The following GRIK1 variants were observed in gnomAD, a reference collection of about 807,000 sequenced individuals.
The protein encoded by GRIK1 is glutamate receptor ionotropic, kainate 1.
A neutral mutation model predicts 105.7 loss-of-function variants in GRIK1; 69 were observed. That is an observed-to-expected ratio of 0.65 (90% CI 0.54 to 0.80). The LOEUF is 0.80. GRIK1 is among the 30% of genes least tolerant of loss of function. GRIK1 has a pLI of 0.00. For synonymous variants in GRIK1, 438 were observed against 431.3 expected, an observed-to-expected ratio of 1.02 and a Z score of -0.19; for missense variants, 1,109 against 1,167.3, an observed-to-expected ratio of 0.95 and a Z score of 0.73.
At chr21:29,790,747 C>A (rs554653540) in intron 1 of GRIK1, among the ~76,000 whole-genome samples, 1 of 152,168 alleles carries the variant, frequency 6.6e-6, no homozygotes, top group South Asian at 2.1e-4. Context: ...GGCACCATGC[C>A]CTGCCTAGTA....
chr21:29,803,733 G>GA (rs901349546), intron 1 of GRIK1, among the ~76,000 whole-genome samples: 30 of 151,352 alleles, frequency 2.0e-4, no homozygotes, highest in Admixed American at 1.4e-3. Flanking sequence ...GGTAAGTGAG[G>GA]AAAAAAAATA....
At chr21:29,619,048 C>A (rs1369646917) in intron 7 of GRIK1, among the ~76,000 whole-genome samples, 2 of 150,456 alleles carry the variant, frequency 1.3e-5, no homozygotes, top group East Asian at 3.9e-4. Flanking sequence ...AAAGCGTGAA[C>A]CCAGGAGGCG....
intron 1 of GRIK1, among the ~76,000 whole-genome samples, chr21:29,870,364 T>C (rs148384875): frequency 8.2e-4 from 125 of 152,256 alleles, no homozygotes; most frequent in African/African-American, 3.0e-3. Flanking sequence ...ATTTGCGATA[T>C]CAATTGCCAG....
At chr21:29,638,437 C>T (rs1183848582) in intron 7 of GRIK1, among the ~76,000 whole-genome samples, 5 of 152,100 alleles carry the variant, frequency 3.3e-5, no homozygotes, top group African/African-American at 7.2e-5. Flanking sequence ...CCACTCCACA[C>T]GTGAGGATAT....
chr21:29,749,008 C>G (rs2065114567), intron 1 of GRIK1: 1 of 152,184 alleles, frequency 6.6e-6, no homozygotes, highest in Admixed American at 6.5e-5. Flanking sequence ...AACAGCGTGT[C>G]CCTGGAAGCT....
chr21:29,656,608 T>G (rs112063133), intron 4 of GRIK1, among the ~76,000 whole-genome samples: 8 of 152,146 alleles, frequency 5.3e-5, no homozygotes, highest in African/African-American at 1.9e-4. Context: ...ATGGAAAACA[T>G]GTACCTTTGC....
intron 1 of GRIK1, among the ~76,000 whole-genome samples, chr21:29,936,583 G>T (rs978168773): frequency 3.9e-5 from 6 of 152,166 alleles, no homozygotes; most frequent in Admixed American, 6.5e-5. Context: ...TATGCAAGCT[G>T]CTGGGAAACT....
At chr21:29,734,356 C>CTTTTCTTTTCTTTTCTTTTCTTT (rs1569028424) in intron 1 of GRIK1, among the ~76,000 whole-genome samples, 47 of 14,498 alleles carry the variant, frequency 3.2e-3, no homozygotes, top group African/African-American at 6.5e-3. Flanking sequence ...CTTTTCTTTT[C>CTTTTCTTTTCTTTTCTTTTCTTT]TTTTCTTTTC....
chr21:29,556,808 CCTCT>C (rs1194109358), intron 15 of GRIK1, among the ~76,000 whole-genome samples: 1 of 152,168 alleles, frequency 6.6e-6, no homozygotes, highest in African/African-American at 2.4e-5. Flanking sequence ...GAAAGCAGAG[CCTCT>C]CTTTCAATCC....
Position 29,892,662 on chromosome 21 carries a change from A to G in GRIK1, c.118+46721T>C, listed in dbSNP as rs143245082. ...AAACGCTATTGGGACAGGATCCACAAGCTGGAGCAATGGTCTCCAGGCTCC... is the reference window on the plus strand; with the variant it reads ...AAACGCTATTGGGACAGGATCCACAGGCTGGAGCAATGGTCTCCAGGCTCC... On this transcript the variant is annotated intron_variant, in intron 1 of 17. Transcript: ENST00000327783. 7.9e-5 allele frequency among the ~76,000 whole-genome samples: 12 copies of G among 152,338 alleles called. No individual in the cohort carries two copies. In the East Asian group the frequency reaches 1.9e-3, roughly 25 times the overall value.
At chr21:29,775,772 GTTC>G (rs1228323466) in intron 1 of GRIK1, among the ~76,000 whole-genome samples, 2 of 152,130 alleles carry the variant, frequency 1.3e-5, no homozygotes, top group Admixed American at 6.5e-5. Context: ...CCCAAAACCT[GTTC>G]TTCTTAGCAT....
intron 7 of GRIK1, among the ~76,000 whole-genome samples, chr21:29,603,482 G>A (rs370981073): frequency 2.2e-4 from 34 of 152,158 alleles, no homozygotes; most frequent in African/African-American, 7.0e-4. Context: ...TTGCCACACC[G>A]GCTGAGATCC....
At chr21:29,613,678 G>T (rs764894265) in intron 7 of GRIK1, among the ~76,000 whole-genome samples, 4 of 152,124 alleles carry the variant, frequency 2.6e-5, no homozygotes, top group Non-Finnish European at 4.4e-5. Context: ...TATAAAATTG[G>T]GAAAGTGAGC....
Position 29,587,536 on chromosome 21 carries a change from G to C in GRIK1, c.1623C>G (p.Val541=), listed in dbSNP as rs779125872. Residue 541 remains valine, a synonymous_variant, in exon 12 of 18, where the codon GTC becomes GTG. Coordinates refer to ENST00000327783, the MANE Select transcript of GRIK1 (RefSeq NM_001330994.2). The part of the protein sequence containing the change: ...PLTITYVREK[V]IDFSKPFMTL... ...TCATGAAGGGTTTGGAGAAGTCAAT[G>C]ACTTTCTCCCGCACGTAGGTGATGG... The C allele has an allele frequency of 1.2e-6, 2 of 1,613,506 alleles. No individual in the cohort carries two copies. The highest frequency in any genetic ancestry group is 2.2e-5 in the South Asian group (2 of 91,052).
intron 1 of GRIK1, among the ~76,000 whole-genome samples, chr21:29,859,204 G>A (rs1271714881): frequency 8.8e-5 from 13 of 147,056 alleles, no homozygotes; most frequent in African/African-American, 3.3e-4. Context: ...ACACACCGGG[G>A]CCTGTTGTGG....
intron 7 of GRIK1, among the ~76,000 whole-genome samples, chr21:29,623,667 T>C (rs1487709791): frequency 3.9e-5 from 6 of 152,144 alleles, no homozygotes; most frequent in Middle Eastern, 3.2e-3. Context: ...ACTCTCAAAA[T>C]GAATATTGTT....
In GRIK1 at chr21:29,693,878, A is replaced by C. The variant is rs762241767; in HGVS notation, c.286+18T>G. Reference sequence around the variant, plus strand: ...ACATATCACCCAAAGAAGCTTTTAAAAGTGGGAAAATAGTTACCTCTCCGC... The same window carrying C: ...ACATATCACCCAAAGAAGCTTTTAACAGTGGGAAAATAGTTACCTCTCCGC... On this transcript the variant is annotated intron_variant, in intron 2 of 17. Coordinates refer to ENST00000327783, the MANE Select transcript of GRIK1 (RefSeq NM_001330994.2). The C allele has an allele frequency of 6.3e-7, 1 of 1,594,000 alleles. No individual in the cohort carries two copies.
chr21:29,559,145 A>G (rs2090330808), intron 15 of GRIK1, among the ~76,000 whole-genome samples: 1 of 152,184 alleles, frequency 6.6e-6, no homozygotes, highest in Non-Finnish European at 1.5e-5. Context: ...TTAAGGAACT[A>G]TAGTTACTCC....
intron 1 of GRIK1, among the ~76,000 whole-genome samples, chr21:29,770,249 C>T (rs866523189): frequency 1.3e-5 from 2 of 152,182 alleles, no homozygotes; most frequent in South Asian, 2.1e-4. Flanking sequence ...TGTCACCCAT[C>T]GTGCTCAGCT....
Sources: allele counts gnomAD v4.1 joint callset (sites outside exome capture counted in the v4.1 genomes callset), GRCh38; gene constraint gnomAD v4.1.1; transcripts MANE v1.5; gene names NCBI Gene and HGNC (gene_info 2026-07-23, HGNC 2026-07-21).